Variants in IRAG1 observed in about 807,000 individuals in gnomAD.
The protein encoded by IRAG1 is inositol 1,4,5-triphosphate receptor associated 1, also known as IP3R-associated cGMP kinase substrate.
In IRAG1, 62 loss-of-function variants were observed where a neutral mutation model predicts 106.2. That is an observed-to-expected ratio of 0.58 (90% CI 0.48 to 0.72). IRAG1 has a LOEUF of 0.72. Among genes scored for constraint, IRAG1 ranks in the 30% least tolerant of loss-of-function variants. IRAG1 has a pLI of 0.00. For synonymous variants in IRAG1, 462 were observed against 443.9 expected (o/e 1.04, Z -0.51); for missense variants, 1,064 against 1,140.7 (o/e 0.93, Z 0.97).
At chr11:10,692,925 G>A (rs1564949519) in intron 1 of IRAG1, among the ~76,000 whole-genome samples, 4 of 152,274 alleles carry the variant, frequency 2.6e-5, no homozygotes, top group Non-Finnish European at 1.5e-5. Flanking sequence ...GGCCGGGCAC[G>A]GGCCGGGCAC....
rs1850769953 is a variant in IRAG1, at chr11:10,575,522, T to C, written c.*810A>G. 1 of 152,202 alleles carries C rather than the reference T, an allele frequency of 6.6e-6. No homozygotes were observed. Among genetic ancestry groups the C allele is most frequent in the African/African-American group, 2.4e-5 (1 of 41,460 alleles). 9.4% of individuals were successfully genotyped at this position (152,202 alleles called of 1,614,324 possible). A position where few individuals can be genotyped will look rare whatever the true frequency, so the allele number is the denominator to read the frequency against. ...CCATGTGGACAGCTCATTGAACAGG[T>C]GCCTGGTGACTGCCCCACACTGGTG... On this transcript the variant is annotated 3_prime_UTR_variant, in exon 21 of 21. Transcript: ENST00000423302.
At chr11:10,639,876 A>G (rs1381959090) in intron 2 of IRAG1, among the ~76,000 whole-genome samples, 2 of 152,150 alleles carry the variant, frequency 1.3e-5, no homozygotes, top group Non-Finnish European at 2.9e-5. Flanking sequence ...GGCGTCCAAG[A>G]AAGGGATGTG....
intron 1 of IRAG1, among the ~76,000 whole-genome samples, chr11:10,691,512 T>C (rs77472628): frequency 0.016 from 2,449 of 152,236 alleles, 73 homozygotes; most frequent in African/African-American, 0.056. Context: ...CCCCAAACCA[T>C]GAGCCTCCTC....
chr11:10,607,837 G>A (rs887439317), intron 11 of IRAG1, among the ~76,000 whole-genome samples: 3 of 152,124 alleles, frequency 2.0e-5, no homozygotes, highest in Admixed American at 6.5e-5. Context: ...TGAAGTCAGC[G>A]GAGTCCAGAA....
intron 7 of IRAG1, 32 bp downstream of exon 7, chr11:10,627,941 G>C: frequency 1.3e-6 from 2 of 1,590,352 alleles, no homozygotes; most frequent in Non-Finnish European, 1.7e-6. Context: ...CATTGGCATA[G>C]AAACAGCACA....
intron 2 of IRAG1, among the ~76,000 whole-genome samples, chr11:10,640,686 G>A (rs1857448361): frequency 6.6e-6 from 1 of 152,174 alleles, no homozygotes; most frequent in African/African-American, 2.4e-5. Context: ...CTCCCATTCT[G>A]AGCTGTCAAA....
rs1046405483 is a variant in IRAG1 at position 10,575,045 on chromosome 11, G to T, written c.*1287C>A. The T allele has an allele frequency of 3.3e-5, 5 of 152,060 alleles. No homozygotes were observed. The highest frequency in any genetic ancestry group is 1.2e-4 in the African/African-American group (5 of 41,396). The allele number at this position is 152,060 out of a possible 1,614,324, so 9.4% of individuals were successfully genotyped here. A position where few individuals can be genotyped will look rare whatever the true frequency, so the allele number is the denominator to read the frequency against. ...TAAGTCGTATATGAGTTTTAGCAAT[G>T]AAAGCAAACAATATCAATAACAAAA... On this transcript the variant is annotated 3_prime_UTR_variant, in exon 21 of 21. Transcript: ENST00000423302.
intron 1 of IRAG1, among the ~76,000 whole-genome samples, chr11:10,678,011 G>GTCTATCTATCTA (rs10606111): frequency 1.5e-4 from 21 of 142,176 alleles, no homozygotes; most frequent in African/African-American, 4.9e-4. Context: ...CTCTCTATCT[G>GTCTATCTATCTA]TCTATCTATC....
intron 10 of IRAG1, among the ~76,000 whole-genome samples, chr11:10,622,182 A>AAAGAAAGTC (rs1855884217): frequency 6.6e-6 from 1 of 152,230 alleles, no homozygotes; most frequent in Non-Finnish European, 1.5e-5. Flanking sequence ...GTAAAATACA[A>AAAGAAAGTC]AAGAAAGTCA....
At position 10,576,222 on chromosome 11, in the gene IRAG1, C is replaced by T; in HGVS notation, c.*110G>A. On this transcript the variant is annotated 3_prime_UTR_variant, in exon 21 of 21. Transcript: ENST00000423302. Reference sequence around the variant, plus strand: ...GTGTTAAAAGAACCCTTCCTCATGACCTGATGGGATGGGCGGCAGTGTGTC... The same window carrying T: ...GTGTTAAAAGAACCCTTCCTCATGATCTGATGGGATGGGCGGCAGTGTGTC... 7.0e-7 allele frequency: 1 copy of T among 1,418,640 alleles called. No homozygotes were observed. Among genetic ancestry groups the T allele is most frequent in the Non-Finnish European group, 9.6e-7 (1 of 1,037,752 alleles). 87.9% of individuals were successfully genotyped at this position (1,418,640 alleles called of 1,614,324 possible). A position where few individuals can be genotyped will look rare whatever the true frequency, so the allele number is the denominator to read the frequency against.
At chr11:10,666,059 T>G (rs1034751403) in intron 1 of IRAG1, among the ~76,000 whole-genome samples, 4 of 152,144 alleles carry the variant, frequency 2.6e-5, no homozygotes, top group African/African-American at 9.7e-5. Flanking sequence ...ACTGCTTAAA[T>G]GGGCATGTGC....
intron 15 of IRAG1, among the ~76,000 whole-genome samples, chr11:10,595,404 A>G (rs959651382): frequency 6.6e-5 from 10 of 152,050 alleles, no homozygotes; most frequent in Non-Finnish European, 1.3e-4. Context: ...TTGTTTGGAA[A>G]TTATACATTC....
At position 10,680,397 on chromosome 11, in the gene IRAG1, G is replaced by A. The variant is rs866443062; in HGVS notation, c.67+13139C>T. 4.4e-3 allele frequency among the ~76,000 whole-genome samples: 227 copies of A among 51,232 alleles called. 2 individuals carry two copies. The highest frequency in any genetic ancestry group is 6.8e-3 in the African/African-American group (51 of 7,506). 33.6% of individuals were successfully genotyped at this position (51,232 alleles called of 152,430 possible). ...GGAAGGAAGGAAGGAAGGAAGGAAG[G>A]AAGGAAGGAAAGAAAGGGAAAGAAA... On this transcript the variant is annotated intron_variant, in intron 1 of 20. Transcript: ENST00000423302.
chr11:10,626,721 T>A, intron 8 of IRAG1, 138 bp from the exon 9 acceptor site: 2 of 1,012,274 alleles, frequency 2.0e-6, no homozygotes, highest in Non-Finnish European at 2.7e-6. Flanking sequence ...GGGGTATGAG[T>A]GGACGATGTG....
At position 10,581,953 on chromosome 11, in the gene IRAG1, G is replaced by C. The variant is rs139981470; in HGVS notation, c.2274C>G (p.Ala758=). The C allele has an allele frequency of 3.9e-4, 637 of 1,613,810 alleles. 13 individuals are homozygous for C. In the East Asian group the frequency reaches 0.013, roughly 34 times the overall value. The change falls in exon 19 of 21, where the codon GCC becomes GCG. Residue 758 remains alanine, a synonymous_variant. Transcript: ENST00000423302. The stretch of plus-strand genomic sequence containing the variant: ...AGCTCAGGGTCAGCGCAGGAGCAGA[G>C]GCTTCACAATCTGGGTCCCCATTTG... ...GKTNGDPDCE[A]SAPALTLSCL... is the part of the protein sequence containing the mutation.
chr11:10,606,734 T>C lies in IRAG1; in HGVS notation c.1602+8A>G. ...CACTAAATTTCATAACACACTTGAG[T>C]CACTTACCTCAACTTCCTTTTCAGT... On this transcript the variant is annotated splice_region_variant and intron_variant, in intron 12 of 20. Transcript: ENST00000423302. 1 of 1,593,994 alleles carries C rather than the reference T, an allele frequency of 6.3e-7. No homozygotes were observed. Among genetic ancestry groups the C allele is most frequent in the Non-Finnish European group, 8.6e-7 (1 of 1,169,488 alleles).
At chr11:10,663,403 T>G (rs974382895) in intron 1 of IRAG1, among the ~76,000 whole-genome samples, 1 of 152,168 alleles carries the variant, frequency 6.6e-6, no homozygotes, top group Non-Finnish European at 1.5e-5. Flanking sequence ...GGAATATATG[T>G]AGGAACTGGT....
chr11:10,582,102 G>T (rs1027259947), intron 18 of IRAG1, 116 bp from the exon 19 acceptor site: 3 of 1,245,492 alleles, frequency 2.4e-6, no homozygotes, highest in Non-Finnish European at 3.2e-6. Flanking sequence ...GGCTTTTTCA[G>T]TAACTTTCAG....
At chr11:10,624,359 A>G (rs1201383210) in intron 9 of IRAG1, among the ~76,000 whole-genome samples, 1 of 152,034 alleles carries the variant, frequency 6.6e-6, no homozygotes, top group African/African-American at 2.4e-5. Context: ...CAGGTCATCA[A>G]TGGCCTTTTA....
Sources: gnomAD v4.1 joint callset for allele counts (sites outside exome capture counted in the v4.1 genomes callset) on GRCh38, gnomAD v4.1.1 for gene constraint, MANE v1.5 for transcripts, NCBI Gene and HGNC (gene_info 2026-07-23, HGNC 2026-07-21) for gene names.